The following LINGO2 variants were observed in gnomAD, a reference collection of about 807,000 sequenced individuals.
LINGO2 encodes leucine rich repeat and Ig domain containing 2, also known as leucine-rich repeat and immunoglobulin-like domain-containing nogo receptor-interacting protein 2.
A neutral mutation model predicts 30.6 loss-of-function variants in LINGO2; 14 were observed. The observed-to-expected ratio is 0.46, with a 90% CI of 0.30 to 0.72. The LOEUF is 0.72. Among genes scored for constraint, LINGO2 ranks in the 30% least tolerant of loss-of-function variants. The probability of loss-of-function intolerance (pLI) is 0.07; values close to 1 mark genes in which losing one functional copy is unlikely to be tolerated. For missense variants in LINGO2, 729 were observed against 751.7 expected (o/e 0.97, Z 0.35); for synonymous variants, 317 against 288.5 (o/e 1.10, Z -1.00).
chr9:28,293,401 A>G (rs1440125346), intron 4 of LINGO2, among the ~76,000 whole-genome samples: 1 of 152,124 alleles, frequency 6.6e-6, no homozygotes, highest in East Asian at 1.9e-4. Context: ...CCCAGCCACA[A>G]ATTCTTTTAT....
At chr9:28,251,109 C>T (rs968980088) in intron 4 of LINGO2, among the ~76,000 whole-genome samples, 11 of 152,054 alleles carry the variant, frequency 7.2e-5, no homozygotes, top group African/African-American at 1.4e-4. Flanking sequence ...CTTTTCCTCC[C>T]CCTGCCCTTT....
chr9:28,682,943 G>A, the LINGO2 span, among the ~76,000 whole-genome samples: 1 of 152,038 alleles, frequency 6.6e-6, no homozygotes, highest in Admixed American at 6.6e-5. Flanking sequence ...ACAATGAGAT[G>A]TCTTTGAATG....
At chr9:27,963,244 T>A (rs1360896501) in intron 5 of LINGO2, among the ~76,000 whole-genome samples, 1 of 151,954 alleles carries the variant, frequency 6.6e-6, no homozygotes, top group Non-Finnish European at 1.5e-5. Flanking sequence ...ATTGTGATTA[T>A]TTTTTATAGG....
the LINGO2 span, among the ~76,000 whole-genome samples, chr9:28,780,828 TAATGTGTGTGTGTG>T: frequency 1.4e-5 from 2 of 139,364 alleles, no homozygotes; most frequent in East Asian, 2.1e-4. Context: ...ATCTTGGTAG[TAATGTGTGTGTGTG>T]TGTGTGTGTG....
At chr9:28,015,898 A>G (rs1020686127) in intron 4 of LINGO2, among the ~76,000 whole-genome samples, 3 of 151,598 alleles carry the variant, frequency 2.0e-5, no homozygotes, top group African/African-American at 4.9e-5. Context: ...TGGAGAGCAA[A>G]GCACTTGAAC....
intron 5 of LINGO2, among the ~76,000 whole-genome samples, chr9:28,003,903 T>C (rs1056025745): frequency 6.6e-6 from 1 of 152,192 alleles, no homozygotes; most frequent in African/African-American, 2.4e-5. Context: ...ACCGAGTTTG[T>C]CTTATTTGAA....
At chr9:29,008,935 CAT>C in the LINGO2 span, among the ~76,000 whole-genome samples, 3 of 152,242 alleles carry the variant, frequency 2.0e-5, no homozygotes, top group South Asian at 6.2e-4. Context: ...ACAAAAACCA[CAT>C]GATTATCTCA....
chr9:29,042,931 G>T, the LINGO2 span, among the ~76,000 whole-genome samples: 3 of 151,856 alleles, frequency 2.0e-5, no homozygotes, highest in African/African-American at 4.8e-5. Context: ...TGCAATCAGG[G>T]TGTCAGGGTA....
At chr9:29,101,316 T>C in the LINGO2 span, among the ~76,000 whole-genome samples, 1 of 152,132 alleles carries the variant, frequency 6.6e-6, no homozygotes, top group Non-Finnish European at 1.5e-5. Context: ...TAAAGATAGG[T>C]TGGGGACTTA....
chr9:29,208,090 T>C, the LINGO2 span, among the ~76,000 whole-genome samples: 1 of 152,072 alleles, frequency 6.6e-6, no homozygotes, highest in African/African-American at 2.4e-5. Flanking sequence ...TAGGTTTGTG[T>C]TCCATTTCAT....
chr9:28,976,668 C>T, the LINGO2 span, among the ~76,000 whole-genome samples: 53 of 152,056 alleles, frequency 3.5e-4, no homozygotes, highest in African/African-American at 1.3e-3. Flanking sequence ...AGGATAGGAT[C>T]AGCTATATAA....
chr9:28,698,063 A>T, the LINGO2 span, among the ~76,000 whole-genome samples: 1 of 152,086 alleles, frequency 6.6e-6, no homozygotes, highest in African/African-American at 2.4e-5. Context: ...AATTAGACTC[A>T]GAAAGGCACC....
the LINGO2 span, among the ~76,000 whole-genome samples, chr9:29,016,878 A>C: frequency 2.0e-5 from 3 of 152,172 alleles, no homozygotes; most frequent in African/African-American, 7.2e-5. Context: ...GCTGCAACTT[A>C]CCAGTGCCTT....
chr9:28,257,367 A>G (rs1463866018), intron 4 of LINGO2, among the ~76,000 whole-genome samples: 1 of 151,852 alleles, frequency 6.6e-6, no homozygotes, highest in Non-Finnish European at 1.5e-5. Flanking sequence ...TAAATAATTC[A>G]TCAAGACAGA....
At chr9:28,298,230 C>T (rs1296286468) in intron 3 of LINGO2, among the ~76,000 whole-genome samples, 1 of 151,704 alleles carries the variant, frequency 6.6e-6, no homozygotes, top group Admixed American at 6.6e-5. Context: ...TAGTAGGTGA[C>T]TTTTTTTTAC....
chr9:28,442,356 A>C (rs1824232606), intron 2 of LINGO2, among the ~76,000 whole-genome samples: 1 of 152,074 alleles, frequency 6.6e-6, no homozygotes, highest in African/African-American at 2.4e-5. Context: ...GTTTATGCTA[A>C]GAGTACATCA....
the LINGO2 span, among the ~76,000 whole-genome samples, chr9:28,809,745 C>CA: frequency 0.59 from 56,440 of 96,202 alleles, 15,038 homozygotes; most frequent in Middle Eastern, 0.67. Context: ...GACTCTGTCT[C>CA]AAAAAAAAAA....
At chr9:28,302,908 T>G (rs2134215585) in intron 3 of LINGO2, among the ~76,000 whole-genome samples, 1 of 152,256 alleles carries the variant, frequency 6.6e-6, no homozygotes, top group South Asian at 2.1e-4. Flanking sequence ...TCAGAAAAGA[T>G]AAGTAGCTTG....
chr9:28,018,683 CA>C (rs569325866), intron 4 of LINGO2, among the ~76,000 whole-genome samples: 1 of 151,208 alleles, frequency 6.6e-6, no homozygotes, highest in Non-Finnish European at 1.5e-5. Flanking sequence ...ACCAAAAAGT[CA>C]AAAAAAATCA....
Sources: allele counts gnomAD v4.1 joint callset (sites outside exome capture counted in the v4.1 genomes callset), GRCh38; gene constraint gnomAD v4.1.1; transcripts MANE v1.5; gene names NCBI Gene and HGNC (gene_info 2026-07-23, HGNC 2026-07-21).